The following NELL2 variants were observed in gnomAD, a reference collection of about 807,000 sequenced individuals.
NELL2 encodes the protein protein kinase C-binding protein NELL2.
In NELL2, 41 loss-of-function variants were observed where a neutral mutation model predicts 109.6. That is an observed-to-expected ratio of 0.37 (90% CI 0.29 to 0.49). The LOEUF is 0.49. Among genes scored for constraint, NELL2 ranks in the 20% least tolerant of loss-of-function variants. The pLI is 0.98. For synonymous variants in NELL2, 355 were observed against 344.7 expected, an observed-to-expected ratio of 1.03 and a Z score of -0.33; for missense variants, 900 against 1,008.3, an observed-to-expected ratio of 0.89 and a Z score of 1.45.
intron 13 of NELL2, among the ~76,000 whole-genome samples, chr12:44,626,072 A>T (rs1281055291): frequency 6.6e-6 from 1 of 152,170 alleles, no homozygotes; most frequent in Non-Finnish European, 1.5e-5. Context: ...CGCATGATTT[A>T]AAAAAATGAC....
chr12:44,896,602 A>G (rs907802500), intron 1 of NELL2, among the ~76,000 whole-genome samples: 5 of 152,230 alleles, frequency 3.3e-5, no homozygotes, highest in African/African-American at 1.2e-4. Flanking sequence ...GTATTGAGTA[A>G]AGCAATATGT....
chr12:44,660,177 G>A (rs183021482), intron 13 of NELL2, among the ~76,000 whole-genome samples: 1 of 152,264 alleles, frequency 6.6e-6, no homozygotes, highest in African/African-American at 2.4e-5. Context: ...CCTATACAGG[G>A]CCTAAAGGAA....
chr12:44,513,142 G>T (rs555004271), intron 19 of NELL2, among the ~76,000 whole-genome samples: 17 of 151,980 alleles, frequency 1.1e-4, no homozygotes, highest in Non-Finnish European at 1.5e-4. Context: ...TCCATTGAAG[G>T]CCTAAAAGGG....
intron 15 of NELL2, among the ~76,000 whole-genome samples, chr12:44,590,984 C>T (rs1018981482): frequency 6.6e-6 from 1 of 151,208 alleles, no homozygotes; most frequent in Non-Finnish European, 1.5e-5. Context: ...TGACATTTCT[C>T]AACAGAGAAC....
chr12:44,529,015 G>A (rs1941928860), intron 16 of NELL2, among the ~76,000 whole-genome samples: 1 of 152,152 alleles, frequency 6.6e-6, no homozygotes, highest in Non-Finnish European at 1.5e-5. Context: ...TTTGAGAGAG[G>A]TGGAGAGGCT....
chr12:44,534,322 CA>C (rs1942208706), intron 15 of NELL2, among the ~76,000 whole-genome samples: 1 of 152,108 alleles, frequency 6.6e-6, no homozygotes, highest in African/African-American at 2.4e-5. Context: ...AGGTAATAGG[CA>C]AAAAATATTT....
intron 3 of NELL2, among the ~76,000 whole-genome samples, chr12:44,804,889 G>A (rs1942949233): frequency 6.6e-6 from 1 of 151,658 alleles, no homozygotes; most frequent in Admixed American, 6.6e-5. Context: ...CTGTCACTAG[G>A]GAAAAGAGAA....
At chr12:44,589,164 A>C (rs1399238045) in intron 15 of NELL2, among the ~76,000 whole-genome samples, 1 of 151,924 alleles carries the variant, frequency 6.6e-6, no homozygotes, top group Admixed American at 6.6e-5. Context: ...TCCAAAGCTC[A>C]CACTTTTGAC....
chr12:44,683,942 G>C (rs1233551026), intron 12 of NELL2, among the ~76,000 whole-genome samples: 1 of 152,186 alleles, frequency 6.6e-6, no homozygotes, highest in Non-Finnish European at 1.5e-5. Flanking sequence ...CATAAAATGA[G>C]TTAGGGAGGA....
chr12:44,811,165 G>T (rs975832967), intron 3 of NELL2, among the ~76,000 whole-genome samples: 2 of 151,690 alleles, frequency 1.3e-5, no homozygotes, highest in African/African-American at 4.8e-5. Context: ...ATCACACACT[G>T]GGCCTCGCAA....
intron 2 of NELL2, among the ~76,000 whole-genome samples, chr12:44,826,385 T>C (rs1288414205): frequency 1.3e-5 from 2 of 152,234 alleles, no homozygotes; most frequent in Admixed American, 6.5e-5. Context: ...GTCTTCTAAA[T>C]TCAGGTTAGA....
At chr12:44,655,550 T>A (rs1449364548) in intron 13 of NELL2, among the ~76,000 whole-genome samples, 1 of 152,210 alleles carries the variant, frequency 6.6e-6, no homozygotes. Context: ...ATAAGCACAT[T>A]GCCTTGGCCT....
rs11182642 is a variant in NELL2 at position 44,757,372 on chromosome 12, C to T, written c.994+17375G>A. 5.8e-3 allele frequency among the ~76,000 whole-genome samples: 875 copies of T among 152,170 alleles called. 11 individuals carry two copies. Among genetic ancestry groups the T allele is most frequent in the East Asian group, 0.032 (168 of 5,170 alleles). ...ATAATACTTAATCATGTCATACTCC[C>T]GTTTAAAACCCTTCAAATGCTTCCT... On this transcript the variant is annotated intron_variant, in intron 9 of 19. Transcript: ENST00000429094.
At chr12:44,739,639 T>C (rs1440073789) in intron 9 of NELL2, among the ~76,000 whole-genome samples, 1 of 152,134 alleles carries the variant, frequency 6.6e-6, no homozygotes, top group African/African-American at 2.4e-5. Flanking sequence ...GCCTGTAATC[T>C]CAGCAAGTTG....
At chr12:44,824,371 T>G (rs1009174338) in intron 2 of NELL2, among the ~76,000 whole-genome samples, 4 of 152,218 alleles carry the variant, frequency 2.6e-5, no homozygotes, top group Non-Finnish European at 5.9e-5. Context: ...TTCCCCTGTT[T>G]TCTTCTAGTA....
chr12:44,845,431 C>T (rs866594940), intron 2 of NELL2, among the ~76,000 whole-genome samples: 3 of 152,196 alleles, frequency 2.0e-5, no homozygotes, highest in African/African-American at 7.2e-5. Context: ...CCACTAGTCA[C>T]ATAAAGGCTA....
intron 1 of NELL2, among the ~76,000 whole-genome samples, chr12:44,902,918 A>T (rs899114692): frequency 6.6e-6 from 1 of 152,204 alleles, no homozygotes; most frequent in African/African-American, 2.4e-5. Flanking sequence ...TGGATTAAAG[A>T]TTTAAACGTA....
intron 9 of NELL2, among the ~76,000 whole-genome samples, chr12:44,727,861 T>C (rs1024684183): frequency 4.0e-5 from 6 of 151,870 alleles, no homozygotes; most frequent in African/African-American, 1.2e-4. Context: ...CAAAAGAAAA[T>C]TTGGTTACAT....
At chr12:44,722,340 AT>A (rs1230825239) in intron 9 of NELL2, among the ~76,000 whole-genome samples, 1 of 151,966 alleles carries the variant, frequency 6.6e-6, no homozygotes, top group African/African-American at 2.4e-5. Flanking sequence ...TAATTTTTTA[AT>A]TTTTTGTAGA....
Sources: allele counts gnomAD v4.1 joint callset (sites outside exome capture counted in the v4.1 genomes callset), GRCh38; gene constraint gnomAD v4.1.1; transcripts MANE v1.5; gene names NCBI Gene and HGNC (gene_info 2026-07-23, HGNC 2026-07-21).